RNF220: variants seen among roughly 807,000 people sequenced by gnomAD.
RNF220 encodes E3 ubiquitin-protein ligase RNF220.
Under a neutral mutation model 67.1 loss-of-function variants are expected in RNF220, and 7 were observed. The observed-to-expected ratio is 0.10, with a 90% CI of 0.06 to 0.20. The LOEUF is 0.20. RNF220 is among the 10% of genes least tolerant of loss of function. The pLI, the probability that RNF220 is intolerant of heterozygous loss-of-function variation, is 1.00. For missense variants in RNF220, 565 were observed against 740.3 expected (o/e 0.76, Z 2.75); for synonymous variants, 270 against 283.2 (o/e 0.95, Z 0.47).
intron 5 of RNF220, chr1:44,631,725 C>T: frequency 4.8e-6 from 1 of 207,788 alleles, no homozygotes; most frequent in Non-Finnish European, 8.4e-6. Context: ...GAGGCGGGAG[C>T]CGGGGCCGGG....
chr1:44,433,157 T>C (rs1650591352), intron 2 of RNF220, among the ~76,000 whole-genome samples: 1 of 152,154 alleles, frequency 6.6e-6, no homozygotes, highest in Non-Finnish European at 1.5e-5. Flanking sequence ...CTCGAACTCT[T>C]GACCTCAAGT....
In RNF220 at chr1:44,417,569, T is replaced by A. The variant is rs1648681660; in HGVS notation, c.625+4847T>A. ...GCTCTGTGCGGCGGCTGCCTCCTCT[T>A]ACGGCCGGAATGCCTAATCACCATG... On this transcript the variant is annotated intron_variant, in intron 2 of 14. Transcript: ENST00000361799. The surrounding 1 kb of genome is among the most constrained non-coding windows in gnomAD (Gnocchi z 4.0). Among the ~76,000 whole-genome samples the A allele has an allele frequency of 6.6e-6, 1 of 152,126 alleles. No homozygotes were observed. Among genetic ancestry groups the A allele is most frequent in the Admixed American group, 6.5e-5 (1 of 15,282 alleles).
chr1:44,478,620 G>A (rs1459809380), intron 2 of RNF220, among the ~76,000 whole-genome samples: 3 of 152,082 alleles, frequency 2.0e-5, no homozygotes, highest in Admixed American at 6.5e-5. Context: ...TACTCGGGAG[G>A]CTGAGGCAAG....
rs10578430 is a variant in RNF220, at chr1:44,497,338, GACACAC to G, written c.625+84638_625+84643del. On this transcript the variant is annotated intron_variant, in intron 2 of 14. Transcript: ENST00000361799. ...TCTATATGATAATCTCCCCTTCCCT[GACACAC>G]ACACACACACACACACACACAGAGT... Among the ~76,000 whole-genome samples, 1,071 of 148,010 alleles carry G rather than the reference GACACAC, an allele frequency of 7.2e-3. 17 individuals are homozygous for G. The highest frequency in any genetic ancestry group is 0.025 in the African/African-American group (1,003 of 40,538).
At chr1:44,556,753 G>T (rs1272008202) in intron 2 of RNF220, among the ~76,000 whole-genome samples, 1 of 152,042 alleles carries the variant, frequency 6.6e-6, no homozygotes, top group African/African-American at 2.4e-5. Context: ...TAGAGACGGG[G>T]TTTCACTGTG....
chr1:44,468,868 G>T (rs1654520424), intron 2 of RNF220, among the ~76,000 whole-genome samples: 1 of 151,856 alleles, frequency 6.6e-6, no homozygotes, highest in Non-Finnish European at 1.5e-5. Flanking sequence ...AGTGAGCCAA[G>T]ATCACACCAC....
intron 2 of RNF220, among the ~76,000 whole-genome samples, chr1:44,500,769 G>T (rs1273399394): frequency 1.3e-5 from 2 of 152,070 alleles, no homozygotes; most frequent in Non-Finnish European, 2.9e-5. Flanking sequence ...AATTGCCGCT[G>T]CTGCTGAGGG....
At chr1:44,601,527 G>T (rs1666917830) in intron 2 of RNF220, among the ~76,000 whole-genome samples, 2 of 152,130 alleles carry the variant, frequency 1.3e-5, no homozygotes, top group Non-Finnish European at 2.9e-5. Flanking sequence ...GGCAGGATTG[G>T]TATCAAAGCC....
intron 2 of RNF220, among the ~76,000 whole-genome samples, chr1:44,536,365 C>G (rs1398124093): frequency 6.6e-6 from 1 of 152,200 alleles, no homozygotes; most frequent in African/African-American, 2.4e-5. Context: ...TGAAACATTG[C>G]TTTGAACTGG....
At position 44,651,084 on chromosome 1, in the gene RNF220, C is replaced by G; in HGVS notation, c.*309C>G. Reference sequence around the variant, plus strand: ...AGTAGTGGGGCACGGCTCCTAAGATCCAGCCCCCATACTGACAGACGGACA... The same window carrying G: ...AGTAGTGGGGCACGGCTCCTAAGATGCAGCCCCCATACTGACAGACGGACA... On this transcript the variant is annotated 3_prime_UTR_variant, in exon 15 of 15. Coordinates refer to ENST00000361799, the MANE Select transcript of RNF220 (RefSeq NM_018150.4). The G allele has an allele frequency of 4.5e-6, 2 of 440,628 alleles. No homozygotes were observed. The highest frequency in any genetic ancestry group is 8.5e-6 in the Non-Finnish European group (2 of 234,186). 27.3% of individuals were successfully genotyped at this position (440,628 alleles called of 1,614,324 possible). A position where few individuals can be genotyped will look rare whatever the true frequency, so the allele number is the denominator to read the frequency against.
intron 2 of RNF220, among the ~76,000 whole-genome samples, chr1:44,507,610 C>T (rs912416435): frequency 1.3e-5 from 2 of 151,856 alleles, no homozygotes; most frequent in Non-Finnish European, 2.9e-5. Flanking sequence ...TAGGGGGCAA[C>T]AAGTAGCGGG....
chr1:44,645,477 C>G lies in RNF220; in HGVS notation c.1434C>G (p.Ser478Arg). ...QEAMQKTCKN[S>R]DIEKITEDSA... Reference sequence around the variant, plus strand: ...CCATGCAGAAGACCTGCAAGAACAGCGACATCGAGAAGTAAGTGTTTGGCC... The same window carrying G: ...CCATGCAGAAGACCTGCAAGAACAGGGACATCGAGAAGTAAGTGTTTGGCC... Residue 478 changes from serine (S) to arginine (R), a missense_variant, in exon 12 of 15, where the codon AGC (serine) becomes AGG (arginine). Physicochemically the swap from Ser to Arg is moderately radical, Grantham distance 110. Coordinates refer to ENST00000361799, the MANE Select transcript of RNF220 (RefSeq NM_018150.4). The surrounding 1 kb of genome is among the most constrained non-coding windows in gnomAD (Gnocchi z 5.0). 1 of 1,613,932 alleles carries G rather than the reference C, an allele frequency of 6.2e-7. No homozygotes were observed. The highest frequency in any genetic ancestry group is 1.1e-5 in the South Asian group (1 of 91,054).
intron 2 of RNF220, among the ~76,000 whole-genome samples, chr1:44,578,119 TTTTCTTTC>T (rs57896275): frequency 3.4e-5 from 5 of 147,764 alleles, no homozygotes; most frequent in Non-Finnish European, 1.5e-5. Context: ...GCAACTGGGA[TTTTCTTTC>T]TTTCTTTCTT....
intron 2 of RNF220, among the ~76,000 whole-genome samples, chr1:44,514,093 T>C (rs951191220): frequency 2.6e-5 from 4 of 152,234 alleles, no homozygotes; most frequent in Non-Finnish European, 5.9e-5. Context: ...GTCCTAAATA[T>C]AACCAAGTAA....
intron 2 of RNF220, among the ~76,000 whole-genome samples, chr1:44,593,108 ATCT>A (rs1666232200): frequency 6.6e-6 from 1 of 152,172 alleles, no homozygotes; most frequent in South Asian, 2.1e-4. Flanking sequence ...ACCATACCCA[ATCT>A]TCTCTCCCAA....
intron 2 of RNF220, among the ~76,000 whole-genome samples, chr1:44,499,908 A>G (rs907656792): frequency 2.0e-5 from 3 of 150,200 alleles, no homozygotes; most frequent in Non-Finnish European, 4.4e-5. Flanking sequence ...AGGCCAAAAC[A>G]TTGAAGTTAT....
intron 2 of RNF220, among the ~76,000 whole-genome samples, chr1:44,552,753 T>G (rs1317414502): frequency 6.6e-6 from 1 of 151,782 alleles, no homozygotes; most frequent in African/African-American, 2.4e-5. Flanking sequence ...GTATATTTAG[T>G]GGAGACGGGG....
intron 2 of RNF220, among the ~76,000 whole-genome samples, chr1:44,422,445 C>T (rs747322787): frequency 5.9e-5 from 9 of 152,210 alleles, no homozygotes; most frequent in East Asian, 3.8e-4. Context: ...GGCTGATTTA[C>T]GGGGAAAAGA....
rs1165085554 is a variant in RNF220, at chr1:44,565,910, T to G, written c.626-48255T>G. Among the ~76,000 whole-genome samples, 1 of 152,112 alleles carries G rather than the reference T, an allele frequency of 6.6e-6. No individual in the cohort carries two copies. Among genetic ancestry groups the G allele is most frequent in the African/African-American group, 2.4e-5 (1 of 41,412 alleles). On this transcript the variant is annotated intron_variant, in intron 2 of 14. Coordinates refer to ENST00000361799, the MANE Select transcript of RNF220 (RefSeq NM_018150.4). This position sits in a 1 kb window ranked among gnomAD's most constrained non-coding sequence, Gnocchi z 4.2. ...CCTCATGGCTGGCCCCCACTGCTGCTTCTCACTCCCCACCTCAGCCTCTCG... is the reference window on the plus strand; with the variant it reads ...CCTCATGGCTGGCCCCCACTGCTGCGTCTCACTCCCCACCTCAGCCTCTCG...
Sources: gnomAD v4.1 joint callset for allele counts (sites outside exome capture counted in the v4.1 genomes callset) on GRCh38, gnomAD v4.1.1 for gene constraint, Gnocchi (gnomAD v3.1) non-coding constraint, MANE v1.5 for transcripts, NCBI Gene and HGNC (gene_info 2026-07-23, HGNC 2026-07-21) for gene names.